Variants in C6orf52 observed in about 807,000 individuals in gnomAD.
The protein encoded by C6orf52 is putative uncharacterized protein C6orf52.
Under a neutral mutation model 16.6 loss-of-function variants are expected in C6orf52, and 16 were observed. The observed-to-expected ratio is 0.96, with a 90% confidence interval of 0.65 to 1.46. The LOEUF (loss-of-function observed/expected upper bound fraction) is 1.46. Ranked by LOEUF, C6orf52 falls within the 40% of genes most tolerant of loss-of-function variation. The pLI is 0.00. For missense variants in C6orf52, 166 were observed against 182.3 expected (o/e 0.91, Z 0.52); for synonymous variants, 53 against 61.4 (o/e 0.86, Z 0.64).
At chr6:10,674,640 T>C (rs1387180215) in intron 4 of C6orf52, 1 of 108,398 alleles carries the variant, frequency 9.2e-6, no homozygotes, top group Non-Finnish European at 2.0e-5. Flanking sequence ...TCTTTCTTTC[T>C]TTTTTTTTTT....
chr6:10,694,767 G>A (rs1561887916), upstream of C6orf52: 1 of 503,960 alleles, frequency 2.0e-6, no homozygotes, highest in Non-Finnish European at 3.5e-6. Flanking sequence ...TCCTCATGTG[G>A]CATCTTTACT....
In C6orf52 at chr6:10,694,612, A is replaced by T; in HGVS notation, c.-130T>A. ...CTACAGCCCCTAAGCAACCGGCCGG[A>T]AGTCGGCCCCACCTCCTCCTGATGT... On this transcript the variant is annotated 5_prime_UTR_variant, in exon 1 of 5. Transcript: ENST00000259983. 5.2e-4 allele frequency: 95 copies of T among 183,178 alleles called. No individual in the cohort carries two copies. The highest frequency in any genetic ancestry group is 2.7e-3 in the South Asian group (28 of 10,244). The allele number at this position is 183,178 out of a possible 1,614,324, so 11.3% of individuals were successfully genotyped here.
chr6:10,694,589 ACAGCCCC>A lies in C6orf52; in HGVS notation c.-114_-108del. On this transcript the variant is annotated 5_prime_UTR_variant, in exon 1 of 5. Coordinates refer to ENST00000259983, the MANE Select transcript of C6orf52 (RefSeq NM_001145020.3). ...CACAACAATGCACGCTGCCGGCGCT[ACAGCCCC>A]TAAGCAACCGGCCGGAAGTCGGCCC... 2.2e-5 allele frequency: 4 copies of A among 178,136 alleles called. No homozygotes were observed. The highest frequency in any genetic ancestry group is 1.8e-4 in the Admixed American group (3 of 17,124). 11.0% of individuals were successfully genotyped at this position (178,136 alleles called of 1,614,324 possible). A position where few individuals can be genotyped will look rare whatever the true frequency, so the allele number is the denominator to read the frequency against.
chr6:10,678,596 A>G (rs1262841737), intron 4 of C6orf52, among the ~76,000 whole-genome samples: 1 of 152,212 alleles, frequency 6.6e-6, no homozygotes, highest in Non-Finnish European at 1.5e-5. Context: ...CAATAAAATG[A>G]ATATTGCAAT....
chr6:10,688,591 T>G (rs1276341583), intron 1 of C6orf52, among the ~76,000 whole-genome samples: 3 of 152,138 alleles, frequency 2.0e-5, no homozygotes, highest in Admixed American at 1.3e-4. Flanking sequence ...GTTTACAGGA[T>G]CCCCCTCAGA....
intron 4 of C6orf52, among the ~76,000 whole-genome samples, chr6:10,682,353 A>G (rs553312886): frequency 3.9e-5 from 6 of 152,376 alleles, no homozygotes; most frequent in Admixed American, 3.9e-4. Flanking sequence ...TGTTTAAATC[A>G]AAGTACTAAA....
intron 2 of C6orf52, 56 bp downstream of exon 2, chr6:10,687,424 T>C (rs917653630): frequency 6.4e-6 from 8 of 1,255,472 alleles, no homozygotes; most frequent in Admixed American, 6.2e-5. Context: ...CCAACAGTTA[T>C]GTAGCAAATA....
intron 1 of C6orf52, among the ~76,000 whole-genome samples, chr6:10,693,659 T>C (rs943868191): frequency 1.3e-5 from 2 of 152,212 alleles, no homozygotes; most frequent in African/African-American, 2.4e-5. Flanking sequence ...GAACCAAGAT[T>C]TACTCTGTTG....
chr6:10,693,069 A>G (rs1382816768), intron 1 of C6orf52, among the ~76,000 whole-genome samples: 4 of 152,310 alleles, frequency 2.6e-5, no homozygotes, highest in East Asian at 3.9e-4. Context: ...CTTTGTGCTA[A>G]TAACTCTGTT....
rs1401400808 is a variant in C6orf52, at chr6:10,694,592, G to GC, written c.-111dup. 5.5e-6 allele frequency: 1 copy of GC among 180,646 alleles called. No individual in the cohort carries two copies. The highest frequency in any genetic ancestry group is 1.2e-5 in the Non-Finnish European group (1 of 83,532). The allele number at this position is 180,646 out of a possible 1,614,324, so 11.2% of individuals were successfully genotyped here. A position where few individuals can be genotyped will look rare whatever the true frequency, so the allele number is the denominator to read the frequency against. The stretch of plus-strand genomic sequence containing the variant: ...AACAATGCACGCTGCCGGCGCTACA[G>GC]CCCCTAAGCAACCGGCCGGAAGTCG... On this transcript the variant is annotated 5_prime_UTR_variant, in exon 1 of 5. Transcript: ENST00000259983.
chr6:10,672,491 G>T, intron 4 of C6orf52: 1 of 671,888 alleles, frequency 1.5e-6, no homozygotes, highest in South Asian at 1.6e-5. Context: ...GTGCTGGTCT[G>T]ACAGAAGTAG....
At chr6:10,681,586 C>A (rs1304348003) in intron 4 of C6orf52, among the ~76,000 whole-genome samples, 1 of 152,168 alleles carries the variant, frequency 6.6e-6, no homozygotes, top group Non-Finnish European at 1.5e-5. Context: ...TATGATATGG[C>A]AGCAGCTGTT....
At chr6:10,673,070 C>T (rs188557126) in intron 4 of C6orf52, among the ~76,000 whole-genome samples, 22 of 152,278 alleles carry the variant, frequency 1.4e-4, no homozygotes, top group African/African-American at 4.6e-4. Flanking sequence ...TTCCTTTGAG[C>T]GTTTCTGGTC....
chr6:10,687,708 T>A, intron 1 of C6orf52, 147 bp from the exon 2 acceptor site: 1 of 636,842 alleles, frequency 1.6e-6, no homozygotes, highest in Non-Finnish European at 2.8e-6. Flanking sequence ...GGCAATTAAT[T>A]GCTTGACTTT....
intron 4 of C6orf52, among the ~76,000 whole-genome samples, chr6:10,682,950 C>T (rs534416212): frequency 1.3e-5 from 2 of 152,214 alleles, no homozygotes; most frequent in African/African-American, 2.4e-5. Flanking sequence ...TGTCTTCTTA[C>T]TGTTTGGGAA....
At chr6:10,683,476 A>G (rs1446630216) in intron 3 of C6orf52, among the ~76,000 whole-genome samples, 1 of 152,226 alleles carries the variant, frequency 6.6e-6, no homozygotes, top group African/African-American at 2.4e-5. Flanking sequence ...AAGCCTAACG[A>G]GGGCCCCTGG....
At chr6:10,689,073 G>A (rs1401165296) in intron 1 of C6orf52, among the ~76,000 whole-genome samples, 2 of 152,342 alleles carry the variant, frequency 1.3e-5, no homozygotes, top group South Asian at 2.1e-4. Flanking sequence ...TGCCTCCCAG[G>A]TGCAAGTGAT....
intron 4 of C6orf52, among the ~76,000 whole-genome samples, chr6:10,675,642 A>G (rs1250617892): frequency 6.6e-6 from 1 of 152,186 alleles, no homozygotes; most frequent in Non-Finnish European, 1.5e-5. Context: ...CATTCCCACC[A>G]ACAGTATGCA....
In C6orf52 at chr6:10,694,600, GC is replaced by G; in HGVS notation, c.-119del. Reference sequence around the variant, plus strand: ...ACGCTGCCGGCGCTACAGCCCCTAAGCAACCGGCCGGAAGTCGGCCCCACCT... The same window carrying G: ...ACGCTGCCGGCGCTACAGCCCCTAAGAACCGGCCGGAAGTCGGCCCCACCT... On this transcript the variant is annotated 5_prime_UTR_variant, in exon 1 of 5. Transcript: ENST00000259983. 2.2e-4 allele frequency: 39 copies of G among 173,852 alleles called. No individual in the cohort carries two copies. The highest frequency in any genetic ancestry group is 1.4e-3 in the South Asian group (12 of 8,570). The allele number at this position is 173,852 out of a possible 1,614,324, so 10.8% of individuals were successfully genotyped here.
Sources: allele counts gnomAD v4.1 joint callset (sites outside exome capture counted in the v4.1 genomes callset), GRCh38; gene constraint gnomAD v4.1.1; transcripts MANE v1.5; gene names NCBI Gene and HGNC (gene_info 2026-07-23, HGNC 2026-07-21).